SPON1: variants seen among roughly 807,000 people sequenced by gnomAD.
The protein encoded by SPON1 is spondin 1, also known as spondin-1.
In SPON1, 52 loss-of-function variants were observed where a neutral mutation model predicts 111.7. That is an observed-to-expected ratio of 0.47 (90% CI 0.37 to 0.59). SPON1 has a LOEUF of 0.59. SPON1 is among the 20% of genes least tolerant of loss of function. SPON1 has a pLI of 0.00. For synonymous variants in SPON1, 410 were observed against 395.8 expected (o/e 1.04, Z -0.43); for missense variants, 957 against 1,068.5 (o/e 0.90, Z 1.46).
chr11:14,091,120 C>A (rs905194590), intron 5 of SPON1, among the ~76,000 whole-genome samples: 7 of 152,260 alleles, frequency 4.6e-5, no homozygotes, highest in Middle Eastern at 3.4e-3. Context: ...AAAGCCCCAC[C>A]AGAGCAGCTA....
chr11:13,969,821 T>C (rs1214859153), intron 1 of SPON1, among the ~76,000 whole-genome samples: 2 of 152,236 alleles, frequency 1.3e-5, no homozygotes, highest in Non-Finnish European at 2.9e-5. Flanking sequence ...CATGTATCAA[T>C]AAGTCTAGCC....
chr11:14,195,413 G>T (rs782504639), intron 6 of SPON1, among the ~76,000 whole-genome samples: 1 of 152,276 alleles, frequency 6.6e-6, no homozygotes, highest in Admixed American at 6.5e-5. Context: ...ATTGGAAAAG[G>T]CCTGGAATCA....
At chr11:14,072,833 T>G (rs1205164336) in intron 3 of SPON1, among the ~76,000 whole-genome samples, 6 of 152,082 alleles carry the variant, frequency 3.9e-5, no homozygotes, top group African/African-American at 1.4e-4. Flanking sequence ...GCAGATCTGA[T>G]CATCTTAGTC....
intron 6 of SPON1, among the ~76,000 whole-genome samples, chr11:14,160,650 T>TATATATATATTTAC (rs1554930939): frequency 1.8e-3 from 36 of 19,670 alleles, no homozygotes; most frequent in East Asian, 6.1e-3. Flanking sequence ...TACATATATT[T>TATATATATATTTAC]ATATATTTAT....
At chr11:14,172,170 G>A (rs1483439050) in intron 6 of SPON1, among the ~76,000 whole-genome samples, 1 of 151,970 alleles carries the variant, frequency 6.6e-6, no homozygotes, top group Non-Finnish European at 1.5e-5. Context: ...ATGAATCTGA[G>A]TGCTCCTGTA....
intron 6 of SPON1, among the ~76,000 whole-genome samples, chr11:14,141,000 A>G (rs1208338020): frequency 6.7e-6 from 1 of 150,346 alleles, no homozygotes; most frequent in Non-Finnish European, 1.5e-5. Flanking sequence ...GCCCTTTAAA[A>G]CATCCACTGT....
At chr11:14,165,700 G>A (rs782705489) in intron 6 of SPON1, among the ~76,000 whole-genome samples, 53 of 152,156 alleles carry the variant, frequency 3.5e-4, no homozygotes, top group South Asian at 6.2e-4. Flanking sequence ...TAACAACAGT[G>A]TACTATAGCT....
At chr11:14,111,790 T>C (rs1564907742) in intron 5 of SPON1, among the ~76,000 whole-genome samples, 1 of 152,186 alleles carries the variant, frequency 6.6e-6, no homozygotes, top group Non-Finnish European at 1.5e-5. Context: ...GCTCAACTTA[T>C]GTGGGGTCTT....
chr11:13,966,849 G>T (rs1407200198), intron 1 of SPON1, among the ~76,000 whole-genome samples: 1 of 152,134 alleles, frequency 6.6e-6, no homozygotes, highest in African/African-American at 2.4e-5. Context: ...TAAAATGAGG[G>T]TGTTTTGATT....
At chr11:14,157,724 A>ATTTATCATT (rs1847865836) in intron 6 of SPON1, among the ~76,000 whole-genome samples, 1 of 149,404 alleles carries the variant, frequency 6.7e-6, no homozygotes, top group Admixed American at 6.6e-5. Context: ...TTTGTATATT[A>ATTTATCATT]TTTATCATTT....
At chr11:13,984,503 A>C (rs892532121) in intron 2 of SPON1, among the ~76,000 whole-genome samples, 1 of 152,276 alleles carries the variant, frequency 6.6e-6, no homozygotes, top group South Asian at 2.1e-4. Flanking sequence ...TGAGAGCAAG[A>C]GGGGTCCAAA....
intron 6 of SPON1, among the ~76,000 whole-genome samples, chr11:14,199,298 T>C (rs1269926006): frequency 6.6e-6 from 1 of 152,112 alleles, no homozygotes; most frequent in African/African-American, 2.4e-5. Flanking sequence ...TTACATTGCT[T>C]TATACAAAAA....
rs1849142886 is a variant in SPON1 at position 14,259,196 on chromosome 11, C to T, written c.1493-84C>T. On this transcript the variant is annotated intron_variant, in intron 11 of 15. Coordinates refer to ENST00000576479, the MANE Select transcript of SPON1 (RefSeq NM_006108.4). The surrounding 1 kb of genome is among the most constrained non-coding windows in gnomAD (Gnocchi z 5.0). The stretch of plus-strand genomic sequence containing the variant: ...CAACTGCCTGACTCCTCTTGATTCC[C>T]GCTGGCGGGAAGTTCCCACCGCGCA... 2.1e-6 allele frequency: 3 copies of T among 1,437,258 alleles called. No individual in the cohort carries two copies. The highest frequency in any genetic ancestry group is 1.4e-5 in the African/African-American group (1 of 70,652). 89.0% of individuals were successfully genotyped at this position (1,437,258 alleles called of 1,614,324 possible). A position where few individuals can be genotyped will look rare whatever the true frequency, so the allele number is the denominator to read the frequency against.
chr11:13,986,201 A>C, intron 2 of SPON1, among the ~76,000 whole-genome samples: 1 of 152,200 alleles, frequency 6.6e-6, no homozygotes, highest in East Asian at 1.9e-4. Flanking sequence ...GCTGAAAGTC[A>C]ACAAGTCACC....
intron 6 of SPON1, among the ~76,000 whole-genome samples, chr11:14,230,723 C>T (rs1284528825): frequency 4.6e-5 from 7 of 152,046 alleles, no homozygotes; most frequent in Admixed American, 1.3e-4. Context: ...GGCTTGGATG[C>T]GACCTTTTCT....
chr11:14,044,211 T>C (rs1326382404), intron 3 of SPON1, among the ~76,000 whole-genome samples: 1 of 152,174 alleles, frequency 6.6e-6, no homozygotes, highest in Non-Finnish European at 1.5e-5. Flanking sequence ...ATTAAATAAA[T>C]AGTAATTGTA....
chr11:14,007,248 T>A (rs1415206323), intron 2 of SPON1, among the ~76,000 whole-genome samples: 1 of 152,182 alleles, frequency 6.6e-6, no homozygotes, highest in Non-Finnish European at 1.5e-5. Context: ...ATTAGGGTTT[T>A]CTAGAGGGAC....
intron 6 of SPON1, among the ~76,000 whole-genome samples, chr11:14,225,463 G>T (rs542405615): frequency 6.6e-6 from 1 of 152,244 alleles, no homozygotes; most frequent in East Asian, 1.9e-4. Context: ...AGAAATGGGA[G>T]GGGAGGTTGT....
chr11:14,252,689 A>T (rs1433296240), intron 7 of SPON1, among the ~76,000 whole-genome samples: 3 of 151,800 alleles, frequency 2.0e-5, no homozygotes, highest in Non-Finnish European at 4.4e-5. Context: ...CCTCAGCTGA[A>T]GGCAAGACCT....
Sources: allele counts gnomAD v4.1 joint callset (sites outside exome capture counted in the v4.1 genomes callset), GRCh38; gene constraint gnomAD v4.1.1; non-coding constraint Gnocchi (gnomAD v3.1); transcripts MANE v1.5; gene names NCBI Gene and HGNC (gene_info 2026-07-23, HGNC 2026-07-21).